Variants in CCDC201 observed in about 807,000 individuals in gnomAD.
The protein encoded by CCDC201 is coiled-coil domain containing 201.
rs1004372876 is a variant in CCDC201, at chr7:45,863,219, G to A, written c.478-48C>T. On this transcript the variant is annotated intron_variant, in intron 2 of 2. Transcript: ENST00000636578. The stretch of plus-strand genomic sequence containing the variant: ...CCCATAGCAGCATCCATCTTTACTG[G>A]AGACAAGCTCTTCTGCTGCAAAATG... 7 of 152,352 alleles carry A rather than the reference G, an allele frequency of 4.6e-5. No homozygotes were observed. In the East Asian group the frequency reaches 1.2e-3, roughly 25 times the overall value. 9.4% of individuals were successfully genotyped at this position (152,352 alleles called of 1,614,324 possible).
At chr7:45,875,543 G>T (rs552568906), upstream of CCDC201, among the ~76,000 whole-genome samples, 18 of 152,214 alleles carry the variant, frequency 1.2e-4, no homozygotes, top group African/African-American at 4.3e-4. Flanking sequence ...CATCCAGATG[G>T]CAGGATGGTG....
intron 1 of CCDC201, among the ~76,000 whole-genome samples, chr7:45,870,333 G>A (rs73104658): frequency 1.3e-5 from 2 of 152,072 alleles, no homozygotes; most frequent in South Asian, 4.1e-4. Context: ...AGAACTAGAA[G>A]CCAAATATAT....
rs976733602 is a variant in CCDC201, at chr7:45,866,510, A to T, written c.19-16T>A. On this transcript the variant is annotated splice_polypyrimidine_tract_variant and intron_variant, in intron 1 of 2. Coordinates refer to ENST00000636578, the Ensembl canonical transcript of CCDC201. ...ATCCTAGATCCTGCAAAGTAAAAAC[A>T]GAGTTTTGAGTCCTAGAAAGTCCTG... 2.6e-5 allele frequency: 4 copies of T among 152,206 alleles called. No homozygotes were observed. The highest frequency in any genetic ancestry group is 9.7e-5 in the African/African-American group (4 of 41,448). 9.4% of individuals were successfully genotyped at this position (152,206 alleles called of 1,614,324 possible).
upstream of CCDC201, among the ~76,000 whole-genome samples, chr7:45,874,487 A>G (rs1786777218): frequency 4.6e-5 from 7 of 152,228 alleles, no homozygotes; most frequent in Admixed American, 4.6e-4. Context: ...ACATCTGCAC[A>G]TAGGAACCTA....
the CCDC201 span, among the ~76,000 whole-genome samples, chr7:45,885,139 G>A: frequency 6.6e-6 from 1 of 152,186 alleles, no homozygotes; most frequent in Non-Finnish European, 1.5e-5. Flanking sequence ...GGTGATGGAA[G>A]TTCAGGCACT....
chr7:45,883,375 A>G, the CCDC201 span, among the ~76,000 whole-genome samples: 1 of 152,134 alleles, frequency 6.6e-6, no homozygotes, highest in South Asian at 2.1e-4. Context: ...AAGCATCAGG[A>G]TTGCACAGGG....
chr7:45,862,004 T>C (rs925403962), exon 3 of CCDC201: 5 of 152,300 alleles, frequency 3.3e-5, no homozygotes, highest in African/African-American at 1.2e-4. Context: ...TGGGTTAAAC[T>C]GAAGCTACCT....
chr7:45,872,696 G>A (rs1562790938), intron 1 of CCDC201, among the ~76,000 whole-genome samples: 1 of 152,182 alleles, frequency 6.6e-6, no homozygotes, highest in Admixed American at 6.5e-5. Flanking sequence ...AGATGTGGAA[G>A]CCCAAGGGCT....
At chr7:45,884,106 C>G in the CCDC201 span, among the ~76,000 whole-genome samples, 3 of 121,316 alleles carry the variant, frequency 2.5e-5, no homozygotes, top group Admixed American at 2.5e-4. Flanking sequence ...TCTCTCCTCT[C>G]TCTCTTTCTC....
chr7:45,865,782 A>C (rs1477276898), intron 2 of CCDC201, among the ~76,000 whole-genome samples: 1 of 152,226 alleles, frequency 6.6e-6, no homozygotes, highest in African/African-American at 2.4e-5. Flanking sequence ...GGGGGCCCTC[A>C]GAGCAGAGAG....
At chr7:45,878,211 T>C in the CCDC201 span, among the ~76,000 whole-genome samples, 2 of 152,198 alleles carry the variant, frequency 1.3e-5, no homozygotes, top group African/African-American at 4.8e-5. Context: ...GAGGCTGGCA[T>C]TGAGTGCCTG....
the CCDC201 span, among the ~76,000 whole-genome samples, chr7:45,878,962 A>G: frequency 6.6e-6 from 1 of 152,242 alleles, no homozygotes. Flanking sequence ...AGCTGATGCT[A>G]TTAGAAGCAG....
At chr7:45,871,383 A>G (rs147217976) in intron 1 of CCDC201, among the ~76,000 whole-genome samples, 1 of 152,044 alleles carries the variant, frequency 6.6e-6, no homozygotes, top group Non-Finnish European at 1.5e-5. Context: ...AGAAAAAAAA[A>G]CAAAAAAATT....
At chr7:45,875,887 A>G (rs1158629387), upstream of CCDC201, among the ~76,000 whole-genome samples, 1 of 152,244 alleles carries the variant, frequency 6.6e-6, no homozygotes, top group Admixed American at 6.5e-5. Context: ...AGACCTTAAC[A>G]GTTCCAGGCA....
upstream of CCDC201, among the ~76,000 whole-genome samples, chr7:45,875,439 C>CAA (rs34636507): frequency 1.0e-4 from 11 of 104,924 alleles, no homozygotes; most frequent in African/African-American, 2.9e-4. Flanking sequence ...AGGCTTCAGT[C>CAA]AAAAAAAAAA....
intron 1 of CCDC201, among the ~76,000 whole-genome samples, chr7:45,870,192 T>G (rs974254535): frequency 6.6e-6 from 1 of 152,224 alleles, no homozygotes; most frequent in African/African-American, 2.4e-5. Flanking sequence ...AGTCTAGTAG[T>G]GCATCTCATT....
exon 3 of CCDC201, chr7:45,862,449 G>C (rs1786614998): frequency 6.6e-6 from 1 of 152,192 alleles, no homozygotes; most frequent in Non-Finnish European, 1.5e-5. Context: ...TACCCTCTAG[G>C]GGTGGGACTA....
At chr7:45,865,161 GAA>G (rs1786655059) in intron 2 of CCDC201, among the ~76,000 whole-genome samples, 1 of 152,218 alleles carries the variant, frequency 6.6e-6, no homozygotes, top group Non-Finnish European at 1.5e-5. Flanking sequence ...GATAAACCAG[GAA>G]ATGGGCGAGG....
chr7:45,863,513 G>A (rs1044175677), intron 2 of CCDC201, among the ~76,000 whole-genome samples: 1 of 152,308 alleles, frequency 6.6e-6, no homozygotes, highest in African/African-American at 2.4e-5. Context: ...CGTGGGAACA[G>A]GTGCATAGGT....
Sources: allele counts gnomAD v4.1 joint callset (sites outside exome capture counted in the v4.1 genomes callset), GRCh38; gene constraint gnomAD v4.1.1; transcripts MANE v1.5; gene names NCBI Gene and HGNC (gene_info 2026-07-23, HGNC 2026-07-21).